TENM3: variants seen among roughly 807,000 people sequenced by gnomAD.
TENM3 encodes the protein teneurin-3.
TENM3 carries 63 observed loss-of-function variants against 255.1 expected under a neutral mutation model. The ratio of observed to expected loss-of-function variants is 0.25; its 90% CI spans 0.20 to 0.30. TENM3 has a LOEUF of 0.30. Ranked by LOEUF, TENM3 falls within the 10% of genes least tolerant of loss-of-function variation. The probability of loss-of-function intolerance (pLI) is 1.00; values close to 1 mark genes in which losing one functional copy is unlikely to be tolerated. For synonymous variants in TENM3, 1,306 were observed against 1,322.3 expected (o/e 0.99, Z 0.27); for missense variants, 2,929 against 3,461.1 (o/e 0.85, Z 3.86).
At chr4:182,248,834 A>G (rs1757814475) in intron 1 of TENM3, among the ~76,000 whole-genome samples, 1 of 152,218 alleles carries the variant, frequency 6.6e-6, no homozygotes, top group Non-Finnish European at 1.5e-5. Flanking sequence ...GAGATGTGGA[A>G]AGTTCTTTAT....
chr4:182,268,725 C>A (rs1401473952), intron 1 of TENM3, among the ~76,000 whole-genome samples: 1 of 152,140 alleles, frequency 6.6e-6, no homozygotes, highest in Non-Finnish European at 1.5e-5. Context: ...TGTGCTCCCA[C>A]CAGCACCCTG....
At chr4:182,338,223 G>C (rs1580208649) in intron 2 of TENM3, among the ~76,000 whole-genome samples, 1 of 152,292 alleles carries the variant, frequency 6.6e-6, no homozygotes, top group Admixed American at 6.5e-5. Flanking sequence ...TTGATTTGGT[G>C]CCAAGAGCAG....
intron 3 of TENM3, among the ~76,000 whole-genome samples, chr4:182,462,875 A>C (rs1732174350): frequency 7.1e-6 from 1 of 140,492 alleles, no homozygotes; most frequent in Non-Finnish European, 1.6e-5. Flanking sequence ...TGACAGGGTG[A>C]GACTCCATCT....
chr4:182,741,267 C>T (rs1761585008), intron 18 of TENM3, among the ~76,000 whole-genome samples: 1 of 152,160 alleles, frequency 6.6e-6, no homozygotes, highest in Non-Finnish European at 1.5e-5. Flanking sequence ...AGAATTTTAT[C>T]CAAGAACATT....
At chr4:182,475,669 A>C (rs773289483) in intron 3 of TENM3, among the ~76,000 whole-genome samples, 7 of 152,226 alleles carry the variant, frequency 4.6e-5, no homozygotes, top group Non-Finnish European at 1.0e-4. Flanking sequence ...TATTCAGTTC[A>C]TAAATTTAAC....
chr4:181,461,131 A>G, the TENM3 span, among the ~76,000 whole-genome samples: 1 of 152,124 alleles, frequency 6.6e-6, no homozygotes, highest in Non-Finnish European at 1.5e-5. Context: ...TATTTTCACT[A>G]GAAATATAGA....
chr4:181,784,166 T>TC, the TENM3 span, among the ~76,000 whole-genome samples: 6 of 152,074 alleles, frequency 3.9e-5, no homozygotes, highest in African/African-American at 1.4e-4. Flanking sequence ...ATCTGTTTTT[T>TC]TTTTTAACCG....
At chr4:182,725,348 A>G (rs1356825409) in intron 13 of TENM3, among the ~76,000 whole-genome samples, 1 of 152,102 alleles carries the variant, frequency 6.6e-6, no homozygotes, top group Non-Finnish European at 1.5e-5. Context: ...GAAGCCAGAA[A>G]TGATATTGGA....
the TENM3 span, chr4:181,980,246 T>A: frequency 6.6e-6 from 1 of 152,212 alleles, no homozygotes; most frequent in African/African-American, 2.4e-5. Context: ...CAGTCTCCTC[T>A]GGGGTTCGCA....
At chr4:182,559,259 C>T (rs550361156) in intron 3 of TENM3, among the ~76,000 whole-genome samples, 11 of 149,844 alleles carry the variant, frequency 7.3e-5, no homozygotes, top group African/African-American at 2.7e-4. Flanking sequence ...ATCCTGAGAA[C>T]AGTACAATGC....
At chr4:181,652,372 T>C in the TENM3 span, among the ~76,000 whole-genome samples, 1 of 150,764 alleles carries the variant, frequency 6.6e-6, no homozygotes, top group African/African-American at 2.4e-5. Flanking sequence ...ACTCTCTTCC[T>C]CCTCGCCTAC....
At chr4:182,788,742 G>A (rs929602438) in intron 24 of TENM3, among the ~76,000 whole-genome samples, 1 of 152,162 alleles carries the variant, frequency 6.6e-6, no homozygotes, top group Non-Finnish European at 1.5e-5. Context: ...TTATTTTCCA[G>A]TGTCTTTTGG....
At chr4:182,758,551 G>A (rs375202938) in intron 22 of TENM3, among the ~76,000 whole-genome samples, 9 of 152,176 alleles carry the variant, frequency 5.9e-5, no homozygotes, top group East Asian at 3.9e-4. Context: ...TAGAGGCAGC[G>A]GGGGGCTTCT....
In TENM3 at chr4:182,540,446, G is replaced by T. The variant is rs964642825; in HGVS notation, c.512-60478G>T. On this transcript the variant is annotated intron_variant, in intron 3 of 27. Transcript: ENST00000511685. ...CTCTACTAAAAATACAAAATTAGCC[G>T]GGCATGGTGGCGCATGCCTGTAACC... 7.9e-5 allele frequency among the ~76,000 whole-genome samples: 12 copies of T among 152,180 alleles called. No homozygotes were observed. The South Asian group carries it at 1.7e-3, about 21-fold the overall frequency.
At chr4:182,008,308 A>C in the TENM3 span, among the ~76,000 whole-genome samples, 1 of 152,014 alleles carries the variant, frequency 6.6e-6, no homozygotes, top group Non-Finnish European at 1.5e-5. Flanking sequence ...GTTCTCCTGG[A>C]TAATATCCTA....
At chr4:182,698,283 A>G (rs879417048) in intron 12 of TENM3, among the ~76,000 whole-genome samples, 1 of 152,148 alleles carries the variant, frequency 6.6e-6, no homozygotes, top group East Asian at 1.9e-4. Flanking sequence ...CTACTGTTAC[A>G]ATCTGTATAC....
the TENM3 span, among the ~76,000 whole-genome samples, chr4:181,689,478 A>G: frequency 5.9e-5 from 9 of 152,146 alleles, no homozygotes; most frequent in Non-Finnish European, 1.3e-4. Context: ...GGAAATTCAC[A>G]TCTACCAGGC....
intron 3 of TENM3, among the ~76,000 whole-genome samples, chr4:182,507,657 T>A (rs1311172035): frequency 3.9e-5 from 6 of 152,236 alleles, no homozygotes; most frequent in Non-Finnish European, 1.5e-5. Context: ...AGCAGAGGTT[T>A]ATAAATTTTC....
chr4:182,306,869 A>T (rs539412208), intron 1 of TENM3, among the ~76,000 whole-genome samples: 87 of 152,304 alleles, frequency 5.7e-4, no homozygotes, highest in African/African-American at 2.1e-3. Context: ...GAAACTACTC[A>T]ATTGAATGCT....
Sources: gnomAD v4.1 joint callset for allele counts (sites outside exome capture counted in the v4.1 genomes callset) on GRCh38, gnomAD v4.1.1 for gene constraint, MANE v1.5 for transcripts, NCBI Gene and HGNC (gene_info 2026-07-23, HGNC 2026-07-21) for gene names.